Variants in ATP10B observed in about 807,000 individuals in gnomAD.
ATP10B encodes ATPase phospholipid transporting 10B (putative), also known as phospholipid-transporting ATPase VB.
Under a neutral mutation model 141.2 loss-of-function variants are expected in ATP10B, and 122 were observed. The ratio of observed to expected loss-of-function variants is 0.86; its 90% confidence interval spans 0.75 to 1.00. The LOEUF (loss-of-function observed/expected upper bound fraction) is 1.00, where lower values mean the gene tolerates loss of function less well. Ranked by LOEUF, ATP10B falls within the 50% of genes least tolerant of loss-of-function variation. ATP10B has a pLI of 0.00. For missense variants in ATP10B, 1,876 were observed against 1,825.3 expected, an observed-to-expected ratio of 1.03 and a Z score of -0.51; for synonymous variants, 685 against 692.0, an observed-to-expected ratio of 0.99 and a Z score of 0.16.
chr5:160,648,335 C>T (rs1226500347), intron 8 of ATP10B, among the ~76,000 whole-genome samples: 5 of 152,146 alleles, frequency 3.3e-5, no homozygotes, highest in Non-Finnish European at 7.4e-5. Flanking sequence ...ATTATTATTA[C>T]TACTTAGCTC....
intron 24 of ATP10B, 45 bp from the exon 25 acceptor site, chr5:160,569,728 T>G (rs775415610): frequency 2.1e-6 from 3 of 1,431,074 alleles, no homozygotes; most frequent in East Asian, 5.1e-5. Context: ...ATAGCTGAGA[T>G]TAGGAGGCAG....
chr5:160,617,883 G>A lies in ATP10B; in HGVS notation c.2507C>T (p.Thr836Ile), dbSNP rs1436410858. 2 of 1,613,988 alleles carry A rather than the reference G, an allele frequency of 1.2e-6. No individual in the cohort carries two copies. The highest frequency in any genetic ancestry group is 2.2e-5 in the South Asian group (2 of 91,090). The change falls in exon 16 of 26, where the codon ACA (threonine) becomes ATA (isoleucine). Residue 836 changes from threonine (T) to isoleucine (I), a missense_variant. Thr to Ile is a moderately conservative substitution (Grantham distance 89). Transcript: ENST00000327245. Reference protein sequence around the residue: ...LDLYARDGLRTLCIAKKVVSE... With the variant: ...LDLYARDGLRILCIAKKVVSE... ...TCTTACCTTCTTGGCAATGCATAGT[G>A]TGCGCAGGCCATCTCTTGCATACAA... is the stretch of plus-strand genomic sequence containing the variant.
intron 2 of ATP10B, among the ~76,000 whole-genome samples, chr5:160,745,214 C>T (rs971282392): frequency 6.6e-6 from 1 of 152,128 alleles, no homozygotes. Flanking sequence ...TGCTGGCATT[C>T]TATGTAGGAT....
chr5:160,856,071 T>A (rs964819123), upstream of ATP10B, among the ~76,000 whole-genome samples: 2 of 151,864 alleles, frequency 1.3e-5, no homozygotes, highest in Non-Finnish European at 2.9e-5. Context: ...TCATGCTTTT[T>A]CATATAAATT....
chr5:160,907,090 C>T, the ATP10B span, among the ~76,000 whole-genome samples: 1 of 152,162 alleles, frequency 6.6e-6, no homozygotes, highest in East Asian at 1.9e-4. Flanking sequence ...AATACCCAGC[C>T]TTCAGTTTGC....
At chr5:160,632,391 T>C (rs1347115740) in intron 12 of ATP10B, 24 bp from the exon 13 acceptor site, 2 of 1,606,456 alleles carry the variant, frequency 1.2e-6, no homozygotes, top group South Asian at 1.1e-5. Context: ...GTCCTGTTAT[T>C]GCACTAGTTG....
intron 9 of ATP10B, 24 bp from the exon 10 acceptor site, chr5:160,640,616 A>T: frequency 6.2e-7 from 1 of 1,613,278 alleles, no homozygotes; most frequent in East Asian, 2.2e-5. Flanking sequence ...TGAGGAAATC[A>T]GTCCCTTAGT....
chr5:160,910,853 C>T, the ATP10B span, among the ~76,000 whole-genome samples: 3 of 152,190 alleles, frequency 2.0e-5, no homozygotes, highest in African/African-American at 4.8e-5. Flanking sequence ...CAAGTTTCAT[C>T]ATAAAATTTG....
At chr5:160,829,069 A>AG (rs1021333331) in intron 1 of ATP10B, among the ~76,000 whole-genome samples, 1 of 69,844 alleles carries the variant, frequency 1.4e-5, no homozygotes, top group African/African-American at 5.8e-5. Flanking sequence ...GGGTGGGGGG[A>AG]GGGGGGAGGG....
the ATP10B span, among the ~76,000 whole-genome samples, chr5:160,858,846 C>T: frequency 2.1e-3 from 311 of 151,180 alleles, 1 homozygote; most frequent in African/African-American, 7.2e-3. Flanking sequence ...AAAAAATTTA[C>T]TTCTTTTCTC....
chr5:160,635,395 A>T (rs1361543583), intron 11 of ATP10B, among the ~76,000 whole-genome samples: 1 of 149,160 alleles, frequency 6.7e-6, no homozygotes, highest in Non-Finnish European at 1.5e-5. Flanking sequence ...CAGGGTCCAG[A>T]TCACTTAGGG....
chr5:160,572,827 A>G (rs1175486968), intron 24 of ATP10B, among the ~76,000 whole-genome samples: 1 of 152,240 alleles, frequency 6.6e-6, no homozygotes, highest in Non-Finnish European at 1.5e-5. Flanking sequence ...TACACCCAAC[A>G]TTCAGCTTCA....
chr5:160,678,160 G>C (rs1009521347), intron 6 of ATP10B, among the ~76,000 whole-genome samples: 1 of 152,206 alleles, frequency 6.6e-6, no homozygotes, highest in African/African-American at 2.4e-5. Flanking sequence ...GGAAAAATGA[G>C]AGCGCAAAGC....
chr5:160,599,710 A>G (rs1023123667), intron 21 of ATP10B, among the ~76,000 whole-genome samples: 8 of 152,128 alleles, frequency 5.3e-5, no homozygotes, highest in East Asian at 1.9e-4. Context: ...ATCTGCCTAA[A>G]TGTTGTTCAT....
chr5:160,893,232 T>C, the ATP10B span, among the ~76,000 whole-genome samples: 1 of 152,102 alleles, frequency 6.6e-6, no homozygotes, highest in South Asian at 2.1e-4. Context: ...GCTGAAGCCA[T>C]GGAGCCAGTG....
At chr5:160,685,989 A>C (rs1467084871) in intron 6 of ATP10B, 90 bp downstream of exon 6, 3 of 1,025,824 alleles carry the variant, frequency 2.9e-6, no homozygotes, top group African/African-American at 3.2e-5. Context: ...TAGGAAAATA[A>C]AATCGAAGAA....
chr5:160,890,835 G>A, the ATP10B span, among the ~76,000 whole-genome samples: 963 of 152,132 alleles, frequency 6.3e-3, 3 homozygotes, highest in Admixed American at 9.2e-3. Flanking sequence ...CCAGCTTCCT[G>A]AGTAGCTGGA....
chr5:160,896,060 C>A, the ATP10B span, among the ~76,000 whole-genome samples: 1,908 of 152,100 alleles, frequency 0.013, 41 homozygotes, highest in African/African-American at 0.044. Context: ...TGTAGAGGGA[C>A]ATTTATAGCA....
intron 7 of ATP10B, among the ~76,000 whole-genome samples, chr5:160,660,505 A>G (rs1357579633): frequency 2.0e-5 from 3 of 152,234 alleles, no homozygotes; most frequent in African/African-American, 7.2e-5. Context: ...CAACCAACTC[A>G]TTATTTTGAA....
Sources: allele counts gnomAD v4.1 joint callset (sites outside exome capture counted in the v4.1 genomes callset), GRCh38; gene constraint gnomAD v4.1.1; transcripts MANE v1.5; gene names NCBI Gene and HGNC (gene_info 2026-07-23, HGNC 2026-07-21).